ASH1L: variants seen among roughly 807,000 people sequenced by gnomAD.
ASH1L encodes the protein histone-lysine N-methyltransferase ASH1L.
In ASH1L, 23 loss-of-function variants were observed where a neutral mutation model predicts 269.0. The ratio of observed to expected loss-of-function variants is 0.09; its 90% CI spans 0.06 to 0.12. The LOEUF is 0.12. ASH1L is among the 10% of genes least tolerant of loss of function. ASH1L has a pLI of 1.00. For missense variants in ASH1L, 2,912 were observed against 3,567.8 expected (o/e 0.82, Z 4.68); for synonymous variants, 1,187 against 1,253.5 (o/e 0.95, Z 1.12).
At chr1:155,466,542 T>C (rs1196998937) in intron 3 of ASH1L, among the ~76,000 whole-genome samples, 1 of 152,226 alleles carries the variant, frequency 6.6e-6, no homozygotes, top group African/African-American at 2.4e-5. Flanking sequence ...TATAGGCATA[T>C]CTTTTTTCTA....
At chr1:155,402,853 C>T (rs1658965213) in intron 6 of ASH1L, among the ~76,000 whole-genome samples, 1 of 149,764 alleles carries the variant, frequency 6.7e-6, no homozygotes, top group African/African-American at 2.5e-5. Flanking sequence ...CACACCCAGC[C>T]AAGTTATACT....
chr1:155,483,246 AG>A (rs1666078961), intron 2 of ASH1L, among the ~76,000 whole-genome samples: 1 of 152,228 alleles, frequency 6.6e-6, no homozygotes, highest in Admixed American at 6.5e-5. Flanking sequence ...GTTTGTGGAT[AG>A]GAAGACATAA....
At chr1:155,392,258 T>G (rs1487452959) in intron 7 of ASH1L, among the ~76,000 whole-genome samples, 1 of 152,182 alleles carries the variant, frequency 6.6e-6, no homozygotes, top group Non-Finnish European at 1.5e-5. Flanking sequence ...GTAGCTGTCC[T>G]GAAACATGGC....
chr1:155,549,840 T>A (rs575989838), intron 1 of ASH1L, among the ~76,000 whole-genome samples: 3 of 152,060 alleles, frequency 2.0e-5, no homozygotes, highest in South Asian at 2.1e-4. Context: ...GTGTTCCTCA[T>A]CAAAGAAAAA....
At chr1:155,361,625 G>C (rs1654957909) in intron 12 of ASH1L, among the ~76,000 whole-genome samples, 1 of 151,388 alleles carries the variant, frequency 6.6e-6, no homozygotes, top group South Asian at 2.1e-4. Flanking sequence ...CTTGAACCCG[G>C]GAGGCGGAGG....
intron 12 of ASH1L, among the ~76,000 whole-genome samples, chr1:155,362,093 T>A (rs1318429316): frequency 1.3e-5 from 2 of 152,004 alleles, no homozygotes; most frequent in Non-Finnish European, 2.9e-5. Context: ...TGGAGTGCAG[T>A]GGCAGAATCT....
intron 2 of ASH1L, among the ~76,000 whole-genome samples, chr1:155,490,800 A>C (rs761347161): frequency 1.3e-5 from 2 of 151,910 alleles, no homozygotes; most frequent in African/African-American, 4.8e-5. Context: ...TCTACAAAAA[A>C]TAAATCTCCA....
At chr1:155,353,718 C>A (rs910029301) in intron 16 of ASH1L, among the ~76,000 whole-genome samples, 2 of 151,992 alleles carry the variant, frequency 1.3e-5, no homozygotes, top group African/African-American at 4.8e-5. Flanking sequence ...AATGACCCGT[C>A]CCCCACTGAA....
intron 26 of ASH1L, 89 bp downstream of exon 26, chr1:155,339,239 G>T: frequency 8.4e-7 from 1 of 1,185,766 alleles, no homozygotes; most frequent in African/African-American, 1.5e-5. Context: ...TCCTAGAAGT[G>T]GAGCTGAGTG....
chr1:155,352,980 G>A, intron 16 of ASH1L, 122 bp from the exon 17 acceptor site: 1 of 834,016 alleles, frequency 1.2e-6, no homozygotes, highest in Non-Finnish European at 1.8e-6. Context: ...AGATTAGTGG[G>A]CACAGAGTTC....
intron 4 of ASH1L, among the ~76,000 whole-genome samples, chr1:155,454,174 T>A (rs1198901718): frequency 6.6e-6 from 1 of 152,222 alleles, no homozygotes; most frequent in East Asian, 1.9e-4. Context: ...CCACTTACTC[T>A]AATTCCCACT....
chr1:155,487,810 T>A (rs954146068), intron 2 of ASH1L, among the ~76,000 whole-genome samples: 17 of 152,222 alleles, frequency 1.1e-4, no homozygotes, highest in African/African-American at 1.7e-4. Context: ...AGTTATTTTT[T>A]AAATTCTGTC....
intron 3 of ASH1L, among the ~76,000 whole-genome samples, chr1:155,469,138 T>C (rs1015346013): frequency 2.6e-5 from 4 of 151,998 alleles, no homozygotes; most frequent in African/African-American, 4.8e-5. Context: ...CTTTCAGTAC[T>C]TACCTAACCA....
chr1:155,486,220 T>C (rs1666319095), intron 2 of ASH1L, among the ~76,000 whole-genome samples: 2 of 152,210 alleles, frequency 1.3e-5, no homozygotes, highest in Non-Finnish European at 2.9e-5. Context: ...ATGAACACAA[T>C]ACATGTGGTA....
chr1:155,377,243 A>T (rs1252414534), intron 10 of ASH1L, among the ~76,000 whole-genome samples: 2 of 152,220 alleles, frequency 1.3e-5, no homozygotes, highest in Non-Finnish European at 2.9e-5. Context: ...GTTAGATTCC[A>T]CACTTTATTT....
At chr1:155,397,218 C>T (rs973332147) in intron 6 of ASH1L, among the ~76,000 whole-genome samples, 9 of 151,714 alleles carry the variant, frequency 5.9e-5, no homozygotes, top group South Asian at 4.2e-4. Context: ...GATTGCTGAC[C>T]GGACAGGGTG....
chr1:155,337,219 G>C lies in ASH1L; in HGVS notation c.*441C>G, dbSNP rs916988313. 3.3e-5 allele frequency: 5 copies of C among 153,602 alleles called. No homozygotes were observed. Among genetic ancestry groups the C allele is most frequent in the African/African-American group, 1.2e-4 (5 of 41,426 alleles). 9.5% of individuals were successfully genotyped at this position (153,602 alleles called of 1,614,324 possible). ...TCTGGGGTAGCTCTTGGAGCCAACA[G>C]AGAATAGATGGGGTAGGAATAGGGA... On this transcript the variant is annotated 3_prime_UTR_variant, in exon 28 of 28. Transcript: ENST00000392403.
At position 155,478,347 on chromosome 1, in the gene ASH1L, C is replaced by G. The variant is rs1464200331; in HGVS notation, c.4523G>C (p.Arg1508Pro). 6.2e-7 allele frequency: 1 copy of G among 1,613,872 alleles called. No homozygotes were observed. The highest frequency in any genetic ancestry group is 1.3e-5 in the African/African-American group (1 of 74,852). ...PQVSMDTGSSRSVLESLKRYR... is the reference protein window; with the variant it reads ...PQVSMDTGSSPSVLESLKRYR... ...GCGCTTCAAAGATTCCAGGACAGAT[C>G]GGGAAGAGCCAGTGTCCATAGAAAC... The change falls in exon 3 of 28, where the codon CGA (arginine) becomes CCA (proline). Residue 1508 changes from arginine (R) to proline (P), a missense_variant. Physicochemically the swap from Arg to Pro is moderately radical, Grantham distance 103 (BLOSUM62 -2). Transcript: ENST00000392403. This position sits in a 1 kb window ranked among gnomAD's most constrained non-coding sequence, Gnocchi z 4.6.
intron 2 of ASH1L, among the ~76,000 whole-genome samples, chr1:155,499,951 G>C (rs1005303212): frequency 6.6e-6 from 1 of 152,050 alleles, no homozygotes. Context: ...AGATATCCTA[G>C]CTATGAAAGT....
Sources: allele counts gnomAD v4.1 joint callset (sites outside exome capture counted in the v4.1 genomes callset), GRCh38; gene constraint gnomAD v4.1.1; non-coding constraint Gnocchi (gnomAD v3.1); transcripts MANE v1.5; gene names NCBI Gene and HGNC (gene_info 2026-07-23, HGNC 2026-07-21).